The following KDM2B variants were observed in gnomAD, a reference collection of about 807,000 sequenced individuals.
KDM2B encodes the protein lysine-specific demethylase 2B.
A neutral mutation model predicts 150.0 loss-of-function variants in KDM2B; 26 were observed. The observed-to-expected ratio is 0.17, with a 90% CI of 0.13 to 0.24. KDM2B has a LOEUF of 0.24. Among genes scored for constraint, KDM2B ranks in the 10% least tolerant of loss-of-function variants. KDM2B has a pLI of 1.00. For missense variants in KDM2B, 1,265 were observed against 1,816.9 expected (o/e 0.70, Z 5.52); for synonymous variants, 734 against 729.5 (o/e 1.01, Z -0.10).
the KDM2B span, chr12:121,418,726 T>TC: frequency 6.6e-6 from 1 of 152,154 alleles, no homozygotes; most frequent in African/African-American, 2.4e-5. Context: ...AGCAAGACTT[T>TC]TTTTTTTGTT....
chr12:121,461,998 C>T (rs1298659499), intron 12 of KDM2B, among the ~76,000 whole-genome samples: 2 of 152,150 alleles, frequency 1.3e-5, no homozygotes, highest in Admixed American at 6.5e-5. Flanking sequence ...TTTCAACTGT[C>T]AAGAGAAGTG....
chr12:121,448,694 A>G (rs563530554), intron 13 of KDM2B, among the ~76,000 whole-genome samples: 1 of 152,286 alleles, frequency 6.6e-6, no homozygotes, highest in African/African-American at 2.4e-5. Context: ...AATGGCGCAA[A>G]TGTTTGAATT....
At chr12:121,423,649 A>G in the KDM2B span, 2 of 1,293,460 alleles carry the variant, frequency 1.5e-6, no homozygotes, top group Non-Finnish European at 2.2e-6. This position sits in a 1 kb window ranked among gnomAD's most constrained non-coding sequence, Gnocchi z 4.3. Context: ...AAGGGACTGG[A>G]AAGTTATGTT....
In KDM2B at chr12:121,502,829, G is replaced by C. The variant is rs912936018; in HGVS notation, c.1647+6738C>G. Reference sequence around the variant, plus strand: ...ATGGTATCGCATGCCTGTAGTCCCAGCTACCTCGATCACCTGAGCTAGGAG... The same window carrying C: ...ATGGTATCGCATGCCTGTAGTCCCACCTACCTCGATCACCTGAGCTAGGAG... On this transcript the variant is annotated intron_variant, in intron 11 of 22. Coordinates refer to ENST00000377071, the MANE Select transcript of KDM2B (RefSeq NM_032590.5). Among the ~76,000 whole-genome samples, 4 of 148,960 alleles carry C rather than the reference G, an allele frequency of 2.7e-5. No individual in the cohort carries two copies. In the East Asian group the frequency reaches 5.9e-4, roughly 22 times the overall value.
At chr12:121,415,794 G>A in the KDM2B span, among the ~76,000 whole-genome samples, 1 of 146,296 alleles carries the variant, frequency 6.8e-6, no homozygotes, top group Non-Finnish European at 1.5e-5. Context: ...AGAATTTTTA[G>A]TATATGCATA....
chr12:121,494,711 G>T (rs930929924), intron 11 of KDM2B, 46 bp from the exon 12 acceptor site: 2 of 1,477,978 alleles, frequency 1.4e-6, no homozygotes, highest in Admixed American at 3.8e-5. Context: ...GGAAGGGGAG[G>T]TCTCTGAAGA....
chr12:121,577,776 T>C (rs1398619598), intron 2 of KDM2B, among the ~76,000 whole-genome samples: 1 of 152,078 alleles, frequency 6.6e-6, no homozygotes, highest in Non-Finnish European at 1.5e-5. Flanking sequence ...CTGGGAAGGC[T>C]AGGTAGGGCA....
intron 2 of KDM2B, among the ~76,000 whole-genome samples, chr12:121,577,446 C>A (rs1245753326): frequency 2.0e-5 from 3 of 152,166 alleles, no homozygotes; most frequent in African/African-American, 2.4e-5. Context: ...GGACTAGCAC[C>A]CTGCTCTAGG....
chr12:121,556,701 A>C (rs1277318103), intron 4 of KDM2B, among the ~76,000 whole-genome samples: 3 of 151,972 alleles, frequency 2.0e-5, no homozygotes, highest in African/African-American at 7.3e-5. Context: ...AAATACAAAA[A>C]TTGAGCCAGG....
At chr12:121,502,612 C>T (rs1884671674) in intron 11 of KDM2B, among the ~76,000 whole-genome samples, 1 of 150,548 alleles carries the variant, frequency 6.6e-6, no homozygotes, top group African/African-American at 2.4e-5. Flanking sequence ...CAGAGAGAGA[C>T]TCGGACTCAA....
chr12:121,467,478 G>T lies in KDM2B; in HGVS notation c.1735-14134C>A, dbSNP rs1880217306. 2.3e-6 allele frequency: 1 copy of T among 432,174 alleles called. No individual in the cohort carries two copies. The highest frequency in any genetic ancestry group is 3.1e-6 in the Non-Finnish European group (1 of 326,906). The allele number at this position is 432,174 out of a possible 1,614,324, so 26.8% of individuals were successfully genotyped here. ...TGGCCCCCCGGGCGGGCGGGCCAAT[G>T]GCGCGGCCGCGGCGCTGGGGCCGCA... On this transcript the variant is annotated intron_variant, in intron 12 of 22. Coordinates refer to ENST00000377071, the MANE Select transcript of KDM2B (RefSeq NM_032590.5). This position sits in a 1 kb window ranked among gnomAD's most constrained non-coding sequence, Gnocchi z 5.1.
intron 1 of KDM2B, 63 bp downstream of exon 1, chr12:121,580,723 T>A: frequency 1.3e-6 from 2 of 1,535,546 alleles, no homozygotes; most frequent in Admixed American, 1.8e-5. Context: ...CCTCCGTTCC[T>A]GCCCTCATTG....
At chr12:121,493,524 G>A (rs1053493297) in intron 12 of KDM2B, among the ~76,000 whole-genome samples, 14 of 152,272 alleles carry the variant, frequency 9.2e-5, no homozygotes, top group Middle Eastern at 3.4e-3. Context: ...ACCTAGGACC[G>A]CCTTTGGAAG....
Position 121,580,846 on chromosome 12 carries a change from T to C in KDM2B, c.66A>G (p.Glu22=). The change falls in exon 1 of 23, where the codon GAA becomes GAG. Residue 22 remains glutamate (E), a synonymous_variant. Coordinates refer to ENST00000377071, the MANE Select transcript of KDM2B (RefSeq NM_032590.5). Reference sequence around the variant, plus strand: ...ATATAACTGTTTTCTTTTTTTGCTTTTCTGCTGCATGTCTTTTTCGTGGGG... The same window carrying C: ...ATATAACTGTTTTCTTTTTTTGCTTCTCTGCTGCATGTCTTTTTCGTGGGG... ...DHPPRKRHAA[E]KQKKKTVIYT... 3.7e-6 allele frequency: 6 copies of C among 1,614,196 alleles called. No homozygotes were observed. The highest frequency in any genetic ancestry group is 5.1e-6 in the Non-Finnish European group (6 of 1,180,024).
At chr12:121,511,220 G>C (rs1555303940) in intron 10 of KDM2B, among the ~76,000 whole-genome samples, 1 of 151,226 alleles carries the variant, frequency 6.6e-6, no homozygotes, top group Non-Finnish European at 1.5e-5. Flanking sequence ...TTGTTGGTCA[G>C]GTTGGTCTCG....
In KDM2B at chr12:121,430,883, T is replaced by G. The variant is rs764152774; in HGVS notation, c.3830-414A>C. On this transcript the variant is annotated intron_variant, in intron 22 of 22. Transcript: ENST00000377071. The surrounding 1 kb of genome is among the most constrained non-coding windows in gnomAD (Gnocchi z 4.4). ...GTCTATTACTGTGCATTTATTTGCC[T>G]CCTCCCTTCAGATAAATTCCCAGAG... 8.5e-5 allele frequency among the ~76,000 whole-genome samples: 13 copies of G among 152,134 alleles called. No homozygotes were observed. The highest frequency in any genetic ancestry group is 6.2e-4 in the South Asian group (3 of 4,824).
chr12:121,508,089 G>A (rs1555303241), intron 11 of KDM2B, among the ~76,000 whole-genome samples: 1 of 152,086 alleles, frequency 6.6e-6, no homozygotes, highest in African/African-American at 2.4e-5. Flanking sequence ...TAGTATGGTT[G>A]TTTTGGGTTT....
At chr12:121,466,566 C>G (rs1364581274) in intron 12 of KDM2B, among the ~76,000 whole-genome samples, 13 of 151,702 alleles carry the variant, frequency 8.6e-5, no homozygotes, top group Non-Finnish European at 1.3e-4. Context: ...CCGGGTGGCC[C>G]GCGCCGGCCC....
intron 1 of KDM2B, chr12:121,580,155 A>G: frequency 2.1e-6 from 3 of 1,450,578 alleles, no homozygotes; most frequent in Non-Finnish European, 2.7e-6. Context: ...CAAAAAATAA[A>G]TAAATAAAGC....
Sources: allele counts gnomAD v4.1 joint callset (sites outside exome capture counted in the v4.1 genomes callset), GRCh38; gene constraint gnomAD v4.1.1; non-coding constraint Gnocchi (gnomAD v3.1); transcripts MANE v1.5; gene names NCBI Gene and HGNC (gene_info 2026-07-23, HGNC 2026-07-21).